The following KCND2 variants were observed in gnomAD, a reference collection of about 807,000 sequenced individuals.
KCND2 encodes the protein potassium voltage-gated channel subfamily D member 2.
A neutral mutation model predicts 54.4 loss-of-function variants in KCND2; 16 were observed. The observed-to-expected ratio is 0.29, with a 90% CI of 0.20 to 0.45. The LOEUF is 0.45. KCND2 is among the 20% of genes least tolerant of loss of function. The pLI, the probability that KCND2 is intolerant of heterozygous loss-of-function variation, is 1.00. For missense variants in KCND2, 486 were observed against 824.2 expected (o/e 0.59, Z 5.02); for synonymous variants, 317 against 310.7 (o/e 1.02, Z -0.21).
intron 1 of KCND2, among the ~76,000 whole-genome samples, chr7:120,605,321 C>T (rs761903551): frequency 7.2e-5 from 11 of 152,180 alleles, no homozygotes; most frequent in Non-Finnish European, 1.3e-4. Context: ...AGTCATTCCA[C>T]ATTTGTACCC....
At chr7:120,398,245 T>G (rs1317544991) in intron 1 of KCND2, among the ~76,000 whole-genome samples, 1 of 150,628 alleles carries the variant, frequency 6.6e-6, no homozygotes, top group Non-Finnish European at 1.5e-5. Context: ...AAATAAGAAC[T>G]AATACATCTT....
At chr7:120,532,913 G>A (rs1293947782) in intron 1 of KCND2, among the ~76,000 whole-genome samples, 1 of 151,852 alleles carries the variant, frequency 6.6e-6, no homozygotes, top group African/African-American at 2.4e-5. Context: ...ATATTAAAAA[G>A]AATAAATGCA....
At chr7:120,343,758 CA>C (rs899026789) in intron 1 of KCND2, among the ~76,000 whole-genome samples, 1 of 152,140 alleles carries the variant, frequency 6.6e-6, no homozygotes, top group Non-Finnish European at 1.5e-5. Context: ...CTAAGTTCTA[CA>C]GTTCGAATTT....
chr7:120,302,579 T>C (rs1439945566), intron 1 of KCND2, among the ~76,000 whole-genome samples: 2 of 152,148 alleles, frequency 1.3e-5, no homozygotes, highest in African/African-American at 4.8e-5. Context: ...CCAGTATTAT[T>C]AAATAACACA....
chr7:120,445,132 A>C (rs1325164526), intron 1 of KCND2, among the ~76,000 whole-genome samples: 1 of 152,182 alleles, frequency 6.6e-6, no homozygotes, highest in East Asian at 1.9e-4. Context: ...ATATTCTTTC[A>C]TATAAACTCA....
intron 1 of KCND2, among the ~76,000 whole-genome samples, chr7:120,550,386 G>A (rs1046193773): frequency 6.6e-6 from 1 of 152,024 alleles, no homozygotes; most frequent in Non-Finnish European, 1.5e-5. Flanking sequence ...TCTTAGCCCA[G>A]TGATCAGAAT....
chr7:120,523,597 G>A lies in KCND2; in HGVS notation c.1116-209306G>A, dbSNP rs541695679. Among the ~76,000 whole-genome samples, 66 of 147,340 alleles carry A rather than the reference G, an allele frequency of 4.5e-4. 2 individuals are homozygous for A. The highest frequency in any genetic ancestry group is 1.5e-3 in the African/African-American group (60 of 40,304). ...AAAAAAAACATACACACACACACAC[G>A]TACACACATATATGCACATATACAC... On this transcript the variant is annotated intron_variant, in intron 1 of 5. Coordinates refer to ENST00000331113, the MANE Select transcript of KCND2 (RefSeq NM_012281.3).
chr7:120,331,510 TGAGA>T (rs1195338377), intron 1 of KCND2, among the ~76,000 whole-genome samples: 1 of 150,944 alleles, frequency 6.6e-6, no homozygotes, highest in Non-Finnish European at 1.5e-5. Context: ...AGACAAAGAG[TGAGA>T]GAGAGAGAAA....
At chr7:120,493,195 A>C (rs1802808038) in intron 1 of KCND2, among the ~76,000 whole-genome samples, 1 of 150,830 alleles carries the variant, frequency 6.6e-6, no homozygotes, top group Non-Finnish European at 1.5e-5. Context: ...ATATAGATAA[A>C]TAGATCTATA....
chr7:120,445,370 T>A lies in KCND2; in HGVS notation c.1115+169623T>A, dbSNP rs987019544. 3.0e-4 allele frequency among the ~76,000 whole-genome samples: 46 copies of A among 152,314 alleles called. 1 individual carries two copies. The highest frequency in any genetic ancestry group is 1.1e-3 in the African/African-American group (45 of 41,588). ...AAAAGTAATGAATACATGGATTCTGTGTTTCTATTAATTTTCATAAGTCAA... is the reference window on the plus strand; with the variant it reads ...AAAAGTAATGAATACATGGATTCTGAGTTTCTATTAATTTTCATAAGTCAA... On this transcript the variant is annotated intron_variant, in intron 1 of 5. Transcript: ENST00000331113.
intron 1 of KCND2, among the ~76,000 whole-genome samples, chr7:120,518,109 A>G (rs1327023734): frequency 6.6e-6 from 1 of 152,162 alleles, no homozygotes; most frequent in Non-Finnish European, 1.5e-5. Context: ...CAAAGTGAAC[A>G]TCGGGTCTGG....
chr7:120,557,277 T>C (rs1405731299), intron 1 of KCND2, among the ~76,000 whole-genome samples: 1 of 152,144 alleles, frequency 6.6e-6, no homozygotes, highest in Non-Finnish European at 1.5e-5. Flanking sequence ...ATCTTTTCTT[T>C]ATGCTACAAA....
chr7:120,657,516 C>T (rs1273113538), intron 1 of KCND2, among the ~76,000 whole-genome samples: 1 of 152,046 alleles, frequency 6.6e-6, no homozygotes, highest in East Asian at 1.9e-4. Context: ...TGCGTACATG[C>T]TAGTGTGAAA....
chr7:120,423,145 A>G (rs11769563), intron 1 of KCND2, among the ~76,000 whole-genome samples: 37,816 of 152,062 alleles, frequency 0.25, 6,442 homozygotes, highest in East Asian at 0.57. Context: ...TTGTTTTGAT[A>G]CCAAAGGGAG....
chr7:120,621,724 A>G (rs1793101559), intron 1 of KCND2, among the ~76,000 whole-genome samples: 2 of 152,194 alleles, frequency 1.3e-5, no homozygotes, highest in African/African-American at 2.4e-5. Flanking sequence ...ACAGTTGGTA[A>G]TAGAAAAACA....
chr7:120,558,556 G>A (rs1316082019), intron 1 of KCND2, among the ~76,000 whole-genome samples: 8 of 152,242 alleles, frequency 5.3e-5, no homozygotes, highest in African/African-American at 1.7e-4. Context: ...AATGGGATCT[G>A]TAGGATGTAT....
chr7:120,352,929 G>A (rs1800436829), intron 1 of KCND2, among the ~76,000 whole-genome samples: 1 of 151,828 alleles, frequency 6.6e-6, no homozygotes, highest in South Asian at 2.1e-4. Context: ...CATATTCTAG[G>A]AGTGAGAAAG....
At chr7:120,739,840 C>A (rs1792919141) in intron 2 of KCND2, among the ~76,000 whole-genome samples, 1 of 151,530 alleles carries the variant, frequency 6.6e-6, no homozygotes, top group Admixed American at 6.6e-5. Flanking sequence ...CACGCACTCC[C>A]TTTGGTCCAG....
chr7:120,511,996 T>C (rs989541757), intron 1 of KCND2, among the ~76,000 whole-genome samples: 17 of 152,106 alleles, frequency 1.1e-4, no homozygotes, highest in African/African-American at 3.6e-4. Context: ...GTGAGATAAA[T>C]TGCCTTTGTC....
Sources: allele counts gnomAD v4.1 joint callset (sites outside exome capture counted in the v4.1 genomes callset), GRCh38; gene constraint gnomAD v4.1.1; transcripts MANE v1.5; gene names NCBI Gene and HGNC (gene_info 2026-07-23, HGNC 2026-07-21).